The following SPEF2 variants were observed in gnomAD, a reference collection of about 807,000 sequenced individuals.
The protein encoded by SPEF2 is sperm flagellar and cilia associated 2.
In SPEF2, 187 loss-of-function variants were observed where a neutral mutation model predicts 224.6. That is an observed-to-expected ratio of 0.83 (90% CI 0.74 to 0.94). The LOEUF (loss-of-function observed/expected upper bound fraction) is 0.94, where lower values mean the gene tolerates loss of function less well. Ranked by LOEUF, SPEF2 falls within the 40% of genes least tolerant of loss-of-function variation. The pLI is 0.00. For synonymous variants in SPEF2, 715 were observed against 707.3 expected, an observed-to-expected ratio of 1.01 and a Z score of -0.17; for missense variants, 2,170 against 2,135.6, an observed-to-expected ratio of 1.02 and a Z score of -0.32.
intron 36 of SPEF2, among the ~76,000 whole-genome samples, chr5:35,812,220 G>A (rs983091726): frequency 1.3e-5 from 2 of 152,126 alleles, no homozygotes; most frequent in Admixed American, 6.5e-5. Flanking sequence ...GGACTAGTGA[G>A]CTGGCATCTA....
intron 9 of SPEF2, among the ~76,000 whole-genome samples, chr5:35,669,325 T>A (rs1374754234): frequency 6.6e-6 from 1 of 152,086 alleles, no homozygotes; most frequent in African/African-American, 2.4e-5. Context: ...ACACATCTTG[T>A]CTTGAAACCA....
At chr5:35,678,717 A>C (rs1752365939) in intron 10 of SPEF2, 1 of 152,228 alleles carries the variant, frequency 6.6e-6, no homozygotes, top group South Asian at 2.1e-4. Flanking sequence ...CTCCTGGATG[A>C]GAAGACAGAA....
chr5:35,684,003 CAG>C (rs1753207817), intron 10 of SPEF2: 1 of 152,132 alleles, frequency 6.6e-6, no homozygotes, highest in South Asian at 2.1e-4. Context: ...CTCTGAGCGT[CAG>C]AGTCTGGGCC....
intron 1 of SPEF2, among the ~76,000 whole-genome samples, chr5:35,627,707 TTAA>T: frequency 6.6e-6 from 1 of 152,188 alleles, no homozygotes; most frequent in East Asian, 1.9e-4. Flanking sequence ...AAGAGAGCTA[TTAA>T]TATTAAATAG....
rs532478894 is a variant in SPEF2, at chr5:35,746,736, G to A, written c.3330+6469G>A. Among the ~76,000 whole-genome samples, 11 of 152,170 alleles carry A rather than the reference G, an allele frequency of 7.2e-5. No homozygotes were observed. In the South Asian group the frequency reaches 1.7e-3, roughly 23 times the overall value. On this transcript the variant is annotated intron_variant, in intron 23 of 36. Transcript: ENST00000356031. ...AGGAAGAAGAGAATTATAAAAGCTT[G>A]GAAAACATATTTAGAGGAATAATTG... is the stretch of plus-strand genomic sequence containing the variant.
Position 35,695,731 on chromosome 5 carries a change from C to G in SPEF2, c.1976-4C>G. The G allele has an allele frequency of 6.2e-7, 1 of 1,605,586 alleles. No individual in the cohort carries two copies. Among genetic ancestry groups the G allele is most frequent in the Non-Finnish European group, 8.5e-7 (1 of 1,176,106 alleles). The stretch of plus-strand genomic sequence containing the variant: ...TTTGTTCTTACCACTTTTCCTATTG[C>G]TAGGTGCTAATGCTGATAAAACACC... On this transcript the variant is annotated splice_region_variant and splice_polypyrimidine_tract_variant and intron_variant, in intron 13 of 36. Coordinates refer to ENST00000356031, the MANE Select transcript of SPEF2 (RefSeq NM_024867.4).
At chr5:35,705,572 A>G in intron 17 of SPEF2, 79 bp from the exon 18 acceptor site, 1 of 1,008,168 alleles carries the variant, frequency 9.9e-7, no homozygotes, top group Non-Finnish European at 1.4e-6. Flanking sequence ...TTCATTACGC[A>G]TGTCGGATAA....
intron 7 of SPEF2, among the ~76,000 whole-genome samples, chr5:35,657,632 C>A (rs1449322801): frequency 6.6e-6 from 1 of 152,010 alleles, no homozygotes; most frequent in Non-Finnish European, 1.5e-5. Flanking sequence ...GGATCATCAA[C>A]TGAGATGGGG....
intron 30 of SPEF2, chr5:35,789,941 G>C (rs1429604609): frequency 1.4e-6 from 1 of 702,594 alleles, no homozygotes; most frequent in Non-Finnish European, 2.6e-6. Flanking sequence ...AAGAAAGCAA[G>C]CTGAGGAAAG....
Position 35,775,231 on chromosome 5 carries a change from C to A in SPEF2, c.4079-1026C>A, listed in dbSNP as rs1006645012. On this transcript the variant is annotated intron_variant, in intron 28 of 36. Coordinates refer to ENST00000356031, the MANE Select transcript of SPEF2 (RefSeq NM_024867.4). ...AAGGATCGATTGTGTTTGAATCCAG[C>A]CTGGGCAACATAGTGAGATCCTGTC... Among the ~76,000 whole-genome samples, 9 of 151,606 alleles carry A rather than the reference C, an allele frequency of 5.9e-5. 2 individuals are homozygous for A. Among genetic ancestry groups the A allele is most frequent in the East Asian group, 1.9e-4 (1 of 5,160 alleles).
At chr5:35,664,476 G>A (rs1750170522) in intron 8 of SPEF2, among the ~76,000 whole-genome samples, 1 of 151,980 alleles carries the variant, frequency 6.6e-6, no homozygotes, top group African/African-American at 2.4e-5. Context: ...GGATCACGAG[G>A]ACAAGAGTTC....
rs570495075 is a variant in SPEF2 at position 35,792,985 on chromosome 5, T to C, written c.4555-174T>C. Among the ~76,000 whole-genome samples, 25 of 152,306 alleles carry C rather than the reference T, an allele frequency of 1.6e-4. No homozygotes were observed. In the South Asian group the frequency reaches 5.0e-3, roughly 30 times the overall value. On this transcript the variant is annotated intron_variant, in intron 31 of 36. Transcript: ENST00000356031. ...AAAAAATGAAACACTTTCTAGGTGC[T>C]TTCTGGTGTGGATGGTTGGTAGAAT... is the stretch of plus-strand genomic sequence containing the variant.
intron 30 of SPEF2, chr5:35,788,970 T>C (rs1755576270): frequency 1.4e-6 from 1 of 702,892 alleles, no homozygotes. Context: ...CTTCATGGAT[T>C]ACAGGCAGCC....
At chr5:35,773,707 C>T (rs1462008328) in intron 27 of SPEF2, among the ~76,000 whole-genome samples, 186 bp from the exon 28 acceptor site, 2 of 152,178 alleles carry the variant, frequency 1.3e-5, no homozygotes, top group African/African-American at 2.4e-5. Context: ...AGGAACCATA[C>T]AGAGAATTCT....
chr5:35,660,334 C>A (rs73750805), intron 8 of SPEF2, among the ~76,000 whole-genome samples: 5,307 of 152,104 alleles, frequency 0.035, 325 homozygotes, highest in African/African-American at 0.12. Flanking sequence ...ATTCACAAAA[C>A]CAGACTGGGC....
At chr5:35,773,833 T>TGTGC in intron 27 of SPEF2, 60 bp from the exon 28 acceptor site, 1 of 1,549,038 alleles carries the variant, frequency 6.5e-7, no homozygotes, top group Non-Finnish European at 8.7e-7. Flanking sequence ...TCTGTCCAAG[T>TGTGC]ACTATGTGCA....
chr5:35,682,557 G>C (rs1329126769), intron 10 of SPEF2, among the ~76,000 whole-genome samples: 2 of 152,132 alleles, frequency 1.3e-5, no homozygotes, highest in Non-Finnish European at 2.9e-5. Flanking sequence ...CAGATGTTGG[G>C]AAGTTCTAGT....
Position 35,807,253 on chromosome 5 carries a change from T to G in SPEF2, c.5379T>G (p.Pro1793=). 6.2e-7 allele frequency: 1 copy of G among 1,611,262 alleles called. No individual in the cohort carries two copies. Among genetic ancestry groups the G allele is most frequent in the East Asian group, 2.2e-5 (1 of 44,872 alleles). ...LISNYSDYKF[P]DIKIILQRSE... ...CAAATTATTCAGACTATAAGTTTCCTGTGAGTATTACCCCAAAGTGCTCTA... is the reference window on the plus strand; with the variant it reads ...CAAATTATTCAGACTATAAGTTTCCGGTGAGTATTACCCCAAAGTGCTCTA... Residue 1793 remains proline, a splice_region_variant and synonymous_variant, in exon 36 of 37, where the codon CCT becomes CCG. Coordinates refer to ENST00000356031, the MANE Select transcript of SPEF2 (RefSeq NM_024867.4).
intron 34 of SPEF2, among the ~76,000 whole-genome samples, chr5:35,800,901 C>A (rs998394610): frequency 1.3e-5 from 2 of 152,184 alleles, no homozygotes; most frequent in Non-Finnish European, 2.9e-5. Flanking sequence ...CACTTCCATC[C>A]TTTTCACACA....
Sources: allele counts gnomAD v4.1 joint callset (sites outside exome capture counted in the v4.1 genomes callset), GRCh38; gene constraint gnomAD v4.1.1; transcripts MANE v1.5; gene names NCBI Gene and HGNC (gene_info 2026-07-23, HGNC 2026-07-21).